The following PHACTR2 variants were observed in gnomAD, a reference collection of about 807,000 sequenced individuals.
The protein encoded by PHACTR2 is chromosome 6 open reading frame 56.
Under a neutral mutation model 76.0 loss-of-function variants are expected in PHACTR2, and 30 were observed. That is an observed-to-expected ratio of 0.39 (90% CI 0.30 to 0.54). The LOEUF (loss-of-function observed/expected upper bound fraction) is 0.54. Ranked by LOEUF, PHACTR2 falls within the 20% of genes least tolerant of loss-of-function variation. The probability of loss-of-function intolerance (pLI) is 0.61; values close to 1 mark genes in which losing one functional copy is unlikely to be tolerated. For synonymous variants in PHACTR2, 292 were observed against 292.5 expected, an observed-to-expected ratio of 1.00 and a Z score of 0.02; for missense variants, 696 against 781.1, an observed-to-expected ratio of 0.89 and a Z score of 1.30.
In PHACTR2 at chr6:143,696,733, GAC is replaced by G. The variant is rs1777779943; in HGVS notation, c.47-15279_47-15278del. On this transcript the variant is annotated intron_variant, in intron 1 of 12. Transcript: ENST00000440869. This position sits in a 1 kb window ranked among gnomAD's most constrained non-coding sequence, Gnocchi z 4.1. ...AGCATACGCAAAGTCATATCAGGGTGACACATAGCTAAAGAGTTAAACAAAAC... is the reference window on the plus strand; with the variant it reads ...AGCATACGCAAAGTCATATCAGGGTGACATAGCTAAAGAGTTAAACAAAAC... Among the ~76,000 whole-genome samples, 1 of 152,178 alleles carries G rather than the reference GAC, an allele frequency of 6.6e-6. No individual in the cohort carries two copies. The highest frequency in any genetic ancestry group is 2.4e-5 in the African/African-American group (1 of 41,436).
Position 143,738,376 on chromosome 6 carries a change from C to T in PHACTR2, c.215-10609C>T, listed in dbSNP as rs978343666. Among the ~76,000 whole-genome samples the T allele has an allele frequency of 2.0e-5, 3 of 151,738 alleles. No homozygotes were observed. Among genetic ancestry groups the T allele is most frequent in the African/African-American group, 7.3e-5 (3 of 41,292 alleles). Reference sequence around the variant, plus strand: ...AAACAAAACAAAACAAAAGATTATACATTTTTTTTCATGACCCCCCTGAAA... The same window carrying T: ...AAACAAAACAAAACAAAAGATTATATATTTTTTTTCATGACCCCCCTGAAA... On this transcript the variant is annotated intron_variant, in intron 2 of 12. Coordinates refer to ENST00000440869, the MANE Select transcript of PHACTR2 (RefSeq NM_001100164.2). The surrounding 1 kb of genome is among the most constrained non-coding windows in gnomAD (Gnocchi z 4.0).
chr6:143,622,495 G>A (rs896898942), intron 1 of PHACTR2, among the ~76,000 whole-genome samples: 10 of 152,200 alleles, frequency 6.6e-5, no homozygotes, highest in Admixed American at 6.5e-4. Flanking sequence ...GTGGCACACA[G>A]TAAGTATTTA....
rs1487019846 is a variant in PHACTR2 at position 143,710,415 on chromosome 6, G to T, written c.47-1601G>T. Reference sequence around the variant, plus strand: ...AATAAGAAAAAGTTAAGTTTGGGCTGCGTGTGGTGGCTCACGCCTGTAATC... The same window carrying T: ...AATAAGAAAAAGTTAAGTTTGGGCTTCGTGTGGTGGCTCACGCCTGTAATC... On this transcript the variant is annotated intron_variant, in intron 1 of 12. Transcript: ENST00000440869. The surrounding 1 kb of genome is among the most constrained non-coding windows in gnomAD (Gnocchi z 4.9). 6.6e-6 allele frequency among the ~76,000 whole-genome samples: 1 copy of T among 152,190 alleles called. No individual in the cohort carries two copies. The highest frequency in any genetic ancestry group is 6.5e-5 in the Admixed American group (1 of 15,280).
In PHACTR2 at chr6:143,617,075, G is replaced by C. The variant is rs1199030040; in HGVS notation, c.13+8753G>C. On this transcript the variant is annotated intron_variant, in intron 1 of 11. Coordinates refer to the PHACTR2 transcript ENST00000305766. The surrounding 1 kb of genome is among the most constrained non-coding windows in gnomAD (Gnocchi z 4.8). ...TTACGAGACTGGGAAGAATGGACTG[G>C]AAAGAAGTAAGAGTGGAAGCTCCTA... Among the ~76,000 whole-genome samples, 2 of 152,208 alleles carry C rather than the reference G, an allele frequency of 1.3e-5. No individual in the cohort carries two copies. Among genetic ancestry groups the C allele is most frequent in the African/African-American group, 2.4e-5 (1 of 41,460 alleles).
In PHACTR2 at chr6:143,800,763, G is replaced by A. The variant is rs955711571; in HGVS notation, c.1846-6294G>A. On this transcript the variant is annotated intron_variant, in intron 11 of 12. Coordinates refer to ENST00000440869, the MANE Select transcript of PHACTR2 (RefSeq NM_001100164.2). This position sits in a 1 kb window ranked among gnomAD's most constrained non-coding sequence, Gnocchi z 4.8. The stretch of plus-strand genomic sequence containing the variant: ...ATGATGTTAGCTGGTTATTTTGCCC[G>A]TTAGTTGATGCAGTTTCTTCCTAGC... 4.6e-5 allele frequency among the ~76,000 whole-genome samples: 7 copies of A among 152,138 alleles called. No homozygotes were observed. The highest frequency in any genetic ancestry group is 9.7e-5 in the African/African-American group (4 of 41,406).
chr6:143,776,469 G>A lies in PHACTR2; in HGVS notation c.1590-859G>A, dbSNP rs1201109907. 1.3e-5 allele frequency among the ~76,000 whole-genome samples: 2 copies of A among 152,160 alleles called. No homozygotes were observed. The highest frequency in any genetic ancestry group is 1.5e-5 in the Non-Finnish European group (1 of 68,028). On this transcript the variant is annotated intron_variant, in intron 8 of 12. Coordinates refer to ENST00000440869, the MANE Select transcript of PHACTR2 (RefSeq NM_001100164.2). The surrounding 1 kb of genome is among the most constrained non-coding windows in gnomAD (Gnocchi z 5.3). ...AAATACAATGAAAAAGGGAGATTGCGTTCACGGCATAGCAACAACCGCATT... is the reference window on the plus strand; with the variant it reads ...AAATACAATGAAAAAGGGAGATTGCATTCACGGCATAGCAACAACCGCATT...
Position 143,816,694 on chromosome 6 carries a change from A to C in PHACTR2, c.1923-6980A>C, listed in dbSNP as rs1776303353. Among the ~76,000 whole-genome samples, 1 of 152,174 alleles carries C rather than the reference A, an allele frequency of 6.6e-6. No individual in the cohort carries two copies. The highest frequency in any genetic ancestry group is 1.5e-5 in the Non-Finnish European group (1 of 68,034). ...CAAATGGTGTGTGCAGGAAAAAAAA[A>C]AAAATCTTACACTGTCCTCAGTTAT... On this transcript the variant is annotated intron_variant, in intron 12 of 12. Coordinates refer to ENST00000440869, the MANE Select transcript of PHACTR2 (RefSeq NM_001100164.2). This position sits in a 1 kb window ranked among gnomAD's most constrained non-coding sequence, Gnocchi z 4.5.
At chr6:143,649,351 A>G (rs71564444) in intron 1 of PHACTR2, among the ~76,000 whole-genome samples, 4 of 152,226 alleles carry the variant, frequency 2.6e-5, no homozygotes, top group Non-Finnish European at 5.9e-5. Context: ...TGAGGCCAGC[A>G]TCATCCTGAT....
chr6:143,556,010 GA>G lies in PHACTR2; in HGVS notation c.217+18811del, dbSNP rs199721066. Among the ~76,000 whole-genome samples the G allele has an allele frequency of 6.9e-6, 1 of 145,556 alleles. No individual in the cohort carries two copies. The highest frequency in any genetic ancestry group is 1.5e-5 in the Non-Finnish European group (1 of 66,372). ...CAATTAATTTTTTTAAAAAGAAACA[GA>G]AAAAAAACAAAAAGAAAAGAGACCA... is the stretch of plus-strand genomic sequence containing the variant. On this transcript the variant is annotated intron_variant, in intron 1 of 11. Coordinates refer to the PHACTR2 transcript ENST00000367584. The surrounding 1 kb of genome is among the most constrained non-coding windows in gnomAD (Gnocchi z 4.3).
rs1237236908 is a variant in PHACTR2, at chr6:143,652,502, C to T, written c.13+44180C>T. The stretch of plus-strand genomic sequence containing the variant: ...ATGAGAATCTCTTCAAAGTGATGCA[C>T]GCTGTGTTTTTCCCTGTGAGACGTG... On this transcript the variant is annotated intron_variant, in intron 1 of 11. Transcript: ENST00000305766. This position sits in a 1 kb window ranked among gnomAD's most constrained non-coding sequence, Gnocchi z 4.5. Among the ~76,000 whole-genome samples the T allele has an allele frequency of 2.0e-5, 3 of 152,128 alleles. No homozygotes were observed. Among genetic ancestry groups the T allele is most frequent in the Admixed American group, 6.6e-5 (1 of 15,264 alleles).
chr6:143,641,101 A>G lies in PHACTR2; in HGVS notation c.13+32779A>G, dbSNP rs1776555212. Among the ~76,000 whole-genome samples the G allele has an allele frequency of 6.6e-6, 1 of 152,170 alleles. No homozygotes were observed. Among genetic ancestry groups the G allele is most frequent in the African/African-American group, 2.4e-5 (1 of 41,434 alleles). ...TGAGGGCATTCTTCATGACTCAGGGAGGCAGGTGTCACATGGCAGAAGGGC... is the reference window on the plus strand; with the variant it reads ...TGAGGGCATTCTTCATGACTCAGGGGGGCAGGTGTCACATGGCAGAAGGGC... On this transcript the variant is annotated intron_variant, in intron 1 of 11. Transcript: ENST00000305766. The surrounding 1 kb of genome is among the most constrained non-coding windows in gnomAD (Gnocchi z 5.8).
In PHACTR2 at chr6:143,761,212, A is replaced by G. The variant is rs1363471405; in HGVS notation, c.694+572A>G. 6.6e-6 allele frequency among the ~76,000 whole-genome samples: 1 copy of G among 152,206 alleles called. No individual in the cohort carries two copies. The highest frequency in any genetic ancestry group is 1.5e-5 in the Non-Finnish European group (1 of 68,038). On this transcript the variant is annotated intron_variant, in intron 5 of 12. Coordinates refer to ENST00000440869, the MANE Select transcript of PHACTR2 (RefSeq NM_001100164.2). The surrounding 1 kb of genome is among the most constrained non-coding windows in gnomAD (Gnocchi z 5.2). ...AGTGAAAACTATTTCAGTGGAGTGG[A>G]AAGTTACACTCTCAGTGTTCCACAC...
Position 143,765,211 on chromosome 6 carries a change from A to G in PHACTR2, c.695-50A>G. 1.4e-6 allele frequency: 2 copies of G among 1,434,010 alleles called. No homozygotes were observed. Among genetic ancestry groups the G allele is most frequent in the South Asian group, 1.3e-5 (1 of 77,728 alleles). 88.8% of individuals were successfully genotyped at this position (1,434,010 alleles called of 1,614,324 possible). ...AGTTACACCTTGGTTACTTTATTTT[A>G]AAAAGCATTGTATTCTTTGATTTTT... On this transcript the variant is annotated intron_variant, in intron 5 of 12. Transcript: ENST00000440869. The surrounding 1 kb of genome is among the most constrained non-coding windows in gnomAD (Gnocchi z 4.1).
Position 143,772,866 on chromosome 6 carries a change from G to A in PHACTR2, c.1432+409G>A, listed in dbSNP as rs1775188306. Among the ~76,000 whole-genome samples the A allele has an allele frequency of 6.6e-6, 1 of 152,138 alleles. No homozygotes were observed. Among genetic ancestry groups the A allele is most frequent in the Admixed American group, 6.5e-5 (1 of 15,276 alleles). ...TTGGAGGTGTTTGAAATTTTCACTC[G>A]CTTTTGTACTGGGGTTTATAGAAAG... On this transcript the variant is annotated intron_variant, in intron 7 of 12. Coordinates refer to ENST00000440869, the MANE Select transcript of PHACTR2 (RefSeq NM_001100164.2). The surrounding 1 kb of genome is among the most constrained non-coding windows in gnomAD (Gnocchi z 5.4).
In PHACTR2 at chr6:143,653,186, C is replaced by G. The variant is rs563793635; in HGVS notation, c.13+44864C>G. Among the ~76,000 whole-genome samples the G allele has an allele frequency of 2.6e-5, 4 of 152,292 alleles. No homozygotes were observed. In the East Asian group the frequency reaches 5.8e-4, roughly 22 times the overall value. Reference sequence around the variant, plus strand: ...TCTGGAAACAAGGCCAGTCGCAAGACACGTCAGGAAGCAATTTGTGCATCG... The same window carrying G: ...TCTGGAAACAAGGCCAGTCGCAAGAGACGTCAGGAAGCAATTTGTGCATCG... On this transcript the variant is annotated intron_variant, in intron 1 of 11. Transcript: ENST00000305766. This position sits in a 1 kb window ranked among gnomAD's most constrained non-coding sequence, Gnocchi z 4.9.
intron 1 of PHACTR2, among the ~76,000 whole-genome samples, chr6:143,563,958 C>T (rs1041676828): frequency 1.3e-5 from 2 of 151,686 alleles, no homozygotes; most frequent in Non-Finnish European, 2.9e-5. Context: ...GAGCTGAGAT[C>T]GTGTCACTGC....
chr6:143,625,306 A>G lies in PHACTR2; in HGVS notation c.13+16984A>G, dbSNP rs186920391. Among the ~76,000 whole-genome samples, 3 of 152,336 alleles carry G rather than the reference A, an allele frequency of 2.0e-5. No homozygotes were observed. The highest frequency in any genetic ancestry group is 2.0e-4 in the Admixed American group (3 of 15,298). ...AGAATTCTTATTTATTGTGAGATAT[A>G]TCAAATTTTTACTTGGTGATTCAGA... On this transcript the variant is annotated intron_variant, in intron 1 of 11. Coordinates refer to the PHACTR2 transcript ENST00000305766. The surrounding 1 kb of genome is among the most constrained non-coding windows in gnomAD (Gnocchi z 4.3).
intron 1 of PHACTR2, among the ~76,000 whole-genome samples, chr6:143,538,958 A>G (rs1284994126): frequency 1.3e-5 from 2 of 152,186 alleles, no homozygotes; most frequent in African/African-American, 4.8e-5. Flanking sequence ...ACTGAACTCG[A>G]GCCATGGATT....
rs1298666085 is a variant in PHACTR2, at chr6:143,641,155, T to TG, written c.13+32834dup. ...GAGAGAGCAAGAGGGGGTTCAAACT[T>TG]GCCATTTTATCGCAACATTAATCCC... On this transcript the variant is annotated intron_variant, in intron 1 of 11. Transcript: ENST00000305766. This position sits in a 1 kb window ranked among gnomAD's most constrained non-coding sequence, Gnocchi z 5.8. Among the ~76,000 whole-genome samples the TG allele has an allele frequency of 1.3e-5, 2 of 152,146 alleles. No individual in the cohort carries two copies. Among genetic ancestry groups the TG allele is most frequent in the Non-Finnish European group, 2.9e-5 (2 of 68,032 alleles).
Sources: gnomAD v4.1 joint callset for allele counts (sites outside exome capture counted in the v4.1 genomes callset) on GRCh38, gnomAD v4.1.1 for gene constraint, Gnocchi (gnomAD v3.1) non-coding constraint, MANE v1.5 for transcripts, NCBI Gene and HGNC (gene_info 2026-07-23, HGNC 2026-07-21) for gene names.